Variants in MYO1A observed in about 807,000 individuals in gnomAD.
MYO1A encodes myosin IA, also known as unconventional myosin-Ia.
A neutral mutation model predicts 138.5 loss-of-function variants in MYO1A; 127 were observed. The ratio of observed to expected loss-of-function variants is 0.92; its 90% CI spans 0.79 to 1.06. The LOEUF is 1.06. Among genes scored for constraint, MYO1A ranks in the 50% least tolerant of loss-of-function variants. The pLI is 0.00. For synonymous variants in MYO1A, 477 were observed against 497.5 expected, an observed-to-expected ratio of 0.96 and a Z score of 0.55; for missense variants, 1,211 against 1,288.8, an observed-to-expected ratio of 0.94 and a Z score of 0.92.
intron 23 of MYO1A, 87 bp from the exon 24 acceptor site, chr12:57,030,403 C>G: frequency 9.0e-7 from 1 of 1,111,804 alleles, no homozygotes; most frequent in East Asian, 2.4e-5. Flanking sequence ...CTAGAAGACA[C>G]TAGGAGAGGA....
At position 57,029,892 on chromosome 12, in the gene MYO1A, G is replaced by T. The variant is rs1166456147; in HGVS notation, c.2592-20C>A. ...GGGACACTGAGAACACATGGGAGGT[G>T]TGCAGCGCGACAAGGCCCAGAGGCC... On this transcript the variant is annotated intron_variant, in intron 24 of 27. Coordinates refer to ENST00000300119, the MANE Select transcript of MYO1A (RefSeq NM_005379.4). 6.2e-7 allele frequency: 1 copy of T among 1,614,130 alleles called. No individual in the cohort carries two copies. The highest frequency in any genetic ancestry group is 2.2e-5 in the East Asian group (1 of 44,862).
chr12:57,039,719 T>C (rs535932148), intron 14 of MYO1A, among the ~76,000 whole-genome samples: 1 of 152,238 alleles, frequency 6.6e-6, no homozygotes, highest in Non-Finnish European at 1.5e-5. Flanking sequence ...TTCAAAGATC[T>C]ACATCAGTGA....
chr12:57,050,829 G>A (rs1469938282), upstream of MYO1A: 1 of 152,192 alleles, frequency 6.6e-6, no homozygotes, highest in African/African-American at 2.4e-5. Context: ...TGGAAAACTA[G>A]GAACAAACAC....
intron 1 of MYO1A, among the ~76,000 whole-genome samples, chr12:57,048,789 G>A (rs546600012): frequency 2.6e-5 from 4 of 152,234 alleles, no homozygotes; most frequent in Admixed American, 2.6e-4. Flanking sequence ...TCTACCCCCA[G>A]TGCTTCTTCT....
At chr12:57,043,498 A>G (rs2030955736) in intron 10 of MYO1A, 140 bp from the exon 11 acceptor site, 1 of 829,516 alleles carries the variant, frequency 1.2e-6, no homozygotes, top group Non-Finnish European at 2.0e-6. Flanking sequence ...AACCCAGAAC[A>G]TGGCCCTGGA....
At position 57,044,015 on chromosome 12, in the gene MYO1A, A is replaced by G. The variant is rs768079419; in HGVS notation, c.745-12T>C. The G allele has an allele frequency of 1.1e-5, 18 of 1,613,974 alleles. No individual in the cohort carries two copies. The South Asian group carries it at 1.9e-4, about 17-fold the overall frequency. On this transcript the variant is annotated splice_polypyrimidine_tract_variant and intron_variant, in intron 9 of 27. Coordinates refer to ENST00000300119, the MANE Select transcript of MYO1A (RefSeq NM_005379.4). ...ACTGCCATTGCACTCTTAGGCAGAA[A>G]GCAGAAATCAAAAGCTGAACTGTTG...
intron 25 of MYO1A, 44 bp from the exon 26 acceptor site, chr12:57,029,631 G>GCCCCCACTC: frequency 6.2e-7 from 1 of 1,614,066 alleles, no homozygotes; most frequent in Non-Finnish European, 8.5e-7. Flanking sequence ...AGGATTAATT[G>GCCCCCACTC]CCCCCACTCC....
At chr12:57,048,388 G>A (rs2031215513) in intron 1 of MYO1A, 45 bp from the exon 2 acceptor site, 2 of 1,165,974 alleles carry the variant, frequency 1.7e-6, no homozygotes, top group Non-Finnish European at 2.6e-6. Context: ...TCAGCTTTAG[G>A]GGCCAGTAAC....
At position 57,036,778 on chromosome 12, in the gene MYO1A, C is replaced by T. The variant is rs755729524; in HGVS notation, c.2268G>A (p.Gly756=). The part of the protein sequence containing the change: ...SVLLIQAFVR[G]WKARKNYRKY... ...CTCTTCCACTCTCCATTACCTTCCA[C>T]CCTCTCACAAAAGCCTGGATCAATA... Residue 756 remains glycine (G), a synonymous_variant, in exon 21 of 28, where the codon GGG becomes GGA. Transcript: ENST00000300119. 6.2e-7 allele frequency: 1 copy of T among 1,614,214 alleles called. No individual in the cohort carries two copies. The highest frequency in any genetic ancestry group is 1.7e-5 in the Admixed American group (1 of 60,028).
intron 22 of MYO1A, among the ~76,000 whole-genome samples, chr12:57,032,393 A>AG (rs2030329045): frequency 6.6e-6 from 1 of 152,236 alleles, no homozygotes. Flanking sequence ...AGGGTGGAGA[A>AG]GGGGACCAAC....
At position 57,036,942 on chromosome 12, in the gene MYO1A, C is replaced by A. The variant is rs2030578113; in HGVS notation, c.2205G>T (p.Met735Ile). 1.2e-6 allele frequency: 2 copies of A among 1,614,198 alleles called. No individual in the cohort carries two copies. Among genetic ancestry groups the A allele is most frequent in the Admixed American group, 1.7e-5 (1 of 60,024 alleles). Residue 735 changes from methionine to isoleucine, a missense_variant and splice_region_variant, in exon 20 of 28, where the codon ATG becomes ATT. Physicochemically the swap from Met to Ile is conservative, Grantham distance 10 (BLOSUM62 1). Coordinates refer to ENST00000300119, the MANE Select transcript of MYO1A (RefSeq NM_005379.4). ...ILISSWFRGNMQKKCYGKIKA... is the reference protein window; with the variant it reads ...ILISSWFRGNIQKKCYGKIKA... ...AGTGGGACTTTGGGGATGACCGTAC[C>A]ATGTTTCCCCGAAACCAAGAGGAGA...
intron 8 of MYO1A, among the ~76,000 whole-genome samples, chr12:57,045,106 G>A (rs986602968): frequency 6.6e-6 from 1 of 152,214 alleles, no homozygotes; most frequent in Non-Finnish European, 1.5e-5. Flanking sequence ...TATGGGCTAG[G>A]TTTTGTTTTT....
intron 7 of MYO1A, 94 bp downstream of exon 7, chr12:57,046,769 G>A (rs1259788898): frequency 1.0e-5 from 16 of 1,526,014 alleles, no homozygotes; most frequent in African/African-American, 4.1e-5. Flanking sequence ...TCTCCTTGAC[G>A]TCTAACATTC....
chr12:57,043,506 G>A (rs2030956431), intron 10 of MYO1A, 148 bp from the exon 11 acceptor site: 7 of 809,850 alleles, frequency 8.6e-6, no homozygotes, highest in Admixed American at 1.9e-5. Context: ...ACATGGCCCT[G>A]GAGGAATCTC....
In MYO1A at chr12:57,029,784, G is replaced by A. The variant is rs536778643; in HGVS notation, c.2680C>T (p.Leu894=). ...ACCTTCTTCACGGCCTCTGCCATCA[G>A]AACAGGCCCCTCCTCCCCGCCTTTC... is the stretch of plus-strand genomic sequence containing the variant. ...KLKGGEEGPV[L]MAEAVKKVNR... Residue 894 remains leucine (L), a synonymous_variant, in exon 25 of 28, where the codon CTG becomes TTG. Coordinates refer to ENST00000300119, the MANE Select transcript of MYO1A (RefSeq NM_005379.4). 1.7e-5 allele frequency: 28 copies of A among 1,614,184 alleles called. 1 individual carries two copies. The South Asian group carries it at 2.9e-4, about 16-fold the overall frequency.
At chr12:57,037,454 C>T in intron 19 of MYO1A, 94 bp downstream of exon 19, 2 of 1,105,040 alleles carry the variant, frequency 1.8e-6, no homozygotes, top group Non-Finnish European at 2.8e-6. Context: ...GTGATCCATT[C>T]CAGGTTATAC....
intron 13 of MYO1A, 42 bp from the exon 14 acceptor site, chr12:57,041,330 G>C: frequency 6.2e-7 from 1 of 1,600,786 alleles, no homozygotes; most frequent in Non-Finnish European, 8.6e-7. Flanking sequence ...CTCCAAGACT[G>C]TTTCTCCGTC....
Position 57,047,616 on chromosome 12 carries a change from A to G in MYO1A, c.325+11T>C, listed in dbSNP as rs771357337. 1 of 1,614,044 alleles carries G rather than the reference A, an allele frequency of 6.2e-7. No homozygotes were observed. The highest frequency in any genetic ancestry group is 8.5e-7 in the Non-Finnish European group (1 of 1,179,878). On this transcript the variant is annotated intron_variant, in intron 4 of 27. Coordinates refer to ENST00000300119, the MANE Select transcript of MYO1A (RefSeq NM_005379.4). The stretch of plus-strand genomic sequence containing the variant: ...GGTGACTCCATGTGTTCCCCCAGCC[A>G]GGGGCCTCACCAGTCTTCCCTGATC...
chr12:57,037,461 A>G, intron 19 of MYO1A, 87 bp downstream of exon 19: 2 of 1,158,974 alleles, frequency 1.7e-6, no homozygotes, highest in Middle Eastern at 2.0e-4. Context: ...ATTCCAGGTT[A>G]TACACGCTCC....
Sources: gnomAD v4.1 joint callset for allele counts (sites outside exome capture counted in the v4.1 genomes callset) on GRCh38, gnomAD v4.1.1 for gene constraint, MANE v1.5 for transcripts, NCBI Gene and HGNC (gene_info 2026-07-23, HGNC 2026-07-21) for gene names.